The following ANKRD18B variants were observed in gnomAD, a reference collection of about 807,000 sequenced individuals.
The protein encoded by ANKRD18B is ankyrin repeat domain-containing protein 18B.
Under a neutral mutation model 111.8 loss-of-function variants are expected in ANKRD18B, and 75 were observed. The ratio of observed to expected loss-of-function variants is 0.67; its 90% CI spans 0.56 to 0.81. ANKRD18B has a LOEUF of 0.81. Among genes scored for constraint, ANKRD18B ranks in the 40% least tolerant of loss-of-function variants. ANKRD18B has a pLI of 0.00. For missense variants in ANKRD18B, 1,038 were observed against 1,225.5 expected (o/e 0.85, Z 2.28); for synonymous variants, 356 against 417.3 (o/e 0.85, Z 1.79).
intron 6 of ANKRD18B, among the ~76,000 whole-genome samples, chr9:33,538,042 A>G (rs1828225963): frequency 6.6e-6 from 1 of 152,178 alleles, no homozygotes; most frequent in Admixed American, 6.5e-5. Flanking sequence ...AAATCTGCAT[A>G]TAAGTGGACC....
intron 1 of ANKRD18B, among the ~76,000 whole-genome samples, chr9:33,526,199 A>C (rs1828022508): frequency 6.6e-6 from 1 of 152,186 alleles, no homozygotes. Flanking sequence ...ACCACATTTT[A>C]AAAATGTATA....
At chr9:33,537,558 G>C (rs1828219870) in intron 6 of ANKRD18B, among the ~76,000 whole-genome samples, 1 of 152,030 alleles carries the variant, frequency 6.6e-6, no homozygotes, top group African/African-American at 2.4e-5. Context: ...AATTTCCTCT[G>C]TAATTACATT....
chr9:33,529,908 C>T (rs1828086216), intron 3 of ANKRD18B, among the ~76,000 whole-genome samples: 1 of 152,232 alleles, frequency 6.6e-6, no homozygotes, highest in Non-Finnish European at 1.5e-5. Context: ...ATTTATTACC[C>T]ATCCCGGCAA....
In ANKRD18B at chr9:33,550,430, G is replaced by A. The variant is rs1014858066; in HGVS notation, c.2068G>A (p.Val690Met). 6 of 1,532,754 alleles carry A rather than the reference G, an allele frequency of 3.9e-6. No homozygotes were observed. The Admixed American group carries it at 6.4e-5, about 16-fold the overall frequency. The allele number at this position is 1,532,754 out of a possible 1,614,324, so 94.9% of individuals were successfully genotyped here. A position where few individuals can be genotyped will look rare whatever the true frequency, so the allele number is the denominator to read the frequency against. ...ATTGGTAACAAAAATATTTTGTCAG[G>A]TGATTGTGAGAGAATTTCAAGAAGA... ...QYEKEKAERE[V>M]IVREFQEELV... Residue 690 changes from valine (V) to methionine (M), a missense_variant and splice_region_variant, in exon 12 of 19, where the codon GTG becomes ATG. Around this residue, in one of 4 missense-constraint regions of ANKRD18B, gnomAD observed 524 missense variants for 677.9 expected, o/e 0.77. Transcript: ENST00000684830.
intron 5 of ANKRD18B, among the ~76,000 whole-genome samples, chr9:33,535,711 AT>A (rs1428400470): frequency 6.8e-6 from 1 of 146,560 alleles, no homozygotes; most frequent in African/African-American, 2.5e-5. Flanking sequence ...TATTATTTTT[AT>A]ATTTATATTA....
intron 14 of ANKRD18B, among the ~76,000 whole-genome samples, chr9:33,565,162 C>T (rs944188580): frequency 1.3e-5 from 2 of 152,196 alleles, no homozygotes; most frequent in Non-Finnish European, 2.9e-5. Context: ...CCTTACATTT[C>T]AATCTTCAAT....
intron 2 of ANKRD18B, 65 bp downstream of exon 2, chr9:33,528,906 G>T (rs1828067092): frequency 6.4e-7 from 1 of 1,561,486 alleles, no homozygotes; most frequent in Non-Finnish European, 8.7e-7. Flanking sequence ...AAATGAATTT[G>T]TCTCATTTAA....
chr9:33,557,109 T>C (rs956307780), intron 13 of ANKRD18B, among the ~76,000 whole-genome samples: 2 of 152,190 alleles, frequency 1.3e-5, no homozygotes, highest in African/African-American at 4.8e-5. Context: ...TACATGGTTT[T>C]GTATCTTTCA....
At position 33,568,836 on chromosome 9, in the gene ANKRD18B, A is replaced by C; in HGVS notation, c.3120A>C (p.Ile1040=). The C allele has an allele frequency of 6.4e-7, 1 of 1,551,490 alleles. No homozygotes were observed. Among genetic ancestry groups the C allele is most frequent in the South Asian group, 1.2e-5 (1 of 84,024 alleles). Residue 1040 remains isoleucine (I), a synonymous_variant, in exon 17 of 19, where the codon ATA becomes ATC. Coordinates refer to ENST00000684830, the MANE Select transcript of ANKRD18B (RefSeq NM_001393611.1). ...GAAAATATATTCCCAAAATGGCCAT[A>C]AGAATTCCTACTTCAAACCCACAGA... is the stretch of plus-strand genomic sequence containing the variant. The part of the protein sequence containing the change: ...LNRKYIPKMA[I]RIPTSNPQTS...
chr9:33,573,119 T>C, downstream of ANKRD18B: 1 of 1,248,038 alleles, frequency 8.0e-7, no homozygotes, highest in Non-Finnish European at 1.0e-6. Context: ...ACTTTTTTAC[T>C]TTCTGGCACA....
At chr9:33,537,705 T>A (rs1439737376) in intron 6 of ANKRD18B, among the ~76,000 whole-genome samples, 1 of 152,082 alleles carries the variant, frequency 6.6e-6, no homozygotes, top group Admixed American at 6.6e-5. Flanking sequence ...CCCTGTGGAG[T>A]TGAAAATCTG....
chr9:33,541,729 C>A (rs760617457), intron 9 of ANKRD18B, among the ~76,000 whole-genome samples: 1 of 152,058 alleles, frequency 6.6e-6, no homozygotes, highest in African/African-American at 2.4e-5. Context: ...AGATAAGATA[C>A]AATAAAATAA....
chr9:33,549,291 G>C (rs1368084860), intron 11 of ANKRD18B, among the ~76,000 whole-genome samples: 1 of 152,140 alleles, frequency 6.6e-6, no homozygotes, highest in Non-Finnish European at 1.5e-5. Flanking sequence ...TATCAGCTTG[G>C]AAACATGCTT....
chr9:33,528,324 T>C (rs1828056688), intron 1 of ANKRD18B, among the ~76,000 whole-genome samples: 2 of 152,198 alleles, frequency 1.3e-5, no homozygotes, highest in South Asian at 4.1e-4. Context: ...CTAACAGTTA[T>C]TGAGTTGTTG....
At chr9:33,558,017 T>C in intron 13 of ANKRD18B, 41 bp from the exon 14 acceptor site, 2 of 1,459,360 alleles carry the variant, frequency 1.4e-6, no homozygotes, top group Non-Finnish European at 1.9e-6. Context: ...AAATATTTAC[T>C]CTTAAAAATT....
At chr9:33,535,609 T>C (rs1828186134) in intron 5 of ANKRD18B, among the ~76,000 whole-genome samples, 1 of 150,322 alleles carries the variant, frequency 6.7e-6, no homozygotes, top group Admixed American at 6.6e-5. Context: ...GTTTCCATAA[T>C]AATGAAAATC....
intron 13 of ANKRD18B, among the ~76,000 whole-genome samples, 176 bp downstream of exon 13, chr9:33,555,996 A>G (rs915753609): frequency 6.6e-6 from 1 of 152,132 alleles, no homozygotes; most frequent in Non-Finnish European, 1.5e-5. Flanking sequence ...GCATGTGAGC[A>G]GGAGTCCATG....
In ANKRD18B at chr9:33,538,976, C is replaced by G. The variant is rs372305923; in HGVS notation, c.809-473C>G. On this transcript the variant is annotated intron_variant, in intron 6 of 18. Coordinates refer to ENST00000684830, the MANE Select transcript of ANKRD18B (RefSeq NM_001393611.1). ...TTGCAGGAGACAAAGATGGAATTGACATAGTTTTTGTCTTTAGGGTGCTCA... is the reference window on the plus strand; with the variant it reads ...TTGCAGGAGACAAAGATGGAATTGAGATAGTTTTTGTCTTTAGGGTGCTCA... 4.6e-5 allele frequency among the ~76,000 whole-genome samples: 7 copies of G among 152,248 alleles called. No homozygotes were observed. The East Asian group carries it at 9.6e-4, about 21-fold the overall frequency.
At chr9:33,540,433 A>G (rs1335169204) in intron 8 of ANKRD18B, among the ~76,000 whole-genome samples, 3 of 152,216 alleles carry the variant, frequency 2.0e-5, no homozygotes, top group Non-Finnish European at 4.4e-5. Context: ...TTATATGATT[A>G]GCTTAGAATA....
Sources: allele counts gnomAD v4.1 joint callset (sites outside exome capture counted in the v4.1 genomes callset), GRCh38; gene constraint gnomAD v4.1.1; regional missense constraint gnomAD v4.1.1; transcripts MANE v1.5; gene names NCBI Gene and HGNC (gene_info 2026-07-23, HGNC 2026-07-21).